Variants in ARHGAP10 observed in about 807,000 individuals in gnomAD.
The protein encoded by ARHGAP10 is Rho GTPase activating protein 10.
In ARHGAP10, 87 loss-of-function variants were observed where a neutral mutation model predicts 108.6. The observed-to-expected ratio is 0.80, with a 90% CI of 0.67 to 0.96. The LOEUF (loss-of-function observed/expected upper bound fraction) is 0.96. Ranked by LOEUF, ARHGAP10 falls within the 40% of genes least tolerant of loss-of-function variation. The probability of loss-of-function intolerance (pLI) is 0.00; values close to 1 mark genes in which losing one functional copy is unlikely to be tolerated. For missense variants in ARHGAP10, 939 were observed against 954.5 expected (o/e 0.98, Z 0.21); for synonymous variants, 347 against 341.1 (o/e 1.02, Z -0.19).
At chr4:147,906,150 A>ATAT (rs368540376) in intron 10 of ARHGAP10, among the ~76,000 whole-genome samples, 272 of 152,312 alleles carry the variant, frequency 1.8e-3, no homozygotes, top group African/African-American at 6.2e-3. Context: ...ATTCATATGT[A>ATAT]TATTCCATAT....
intron 10 of ARHGAP10, among the ~76,000 whole-genome samples, chr4:147,900,473 C>T (rs950233669): frequency 6.6e-6 from 1 of 151,948 alleles, no homozygotes; most frequent in Non-Finnish European, 1.5e-5. Context: ...TTTTTTCGTT[C>T]ATGAAATTTA....
chr4:147,878,964 G>T (rs1735206979), intron 8 of ARHGAP10, among the ~76,000 whole-genome samples: 1 of 151,912 alleles, frequency 6.6e-6, no homozygotes, highest in African/African-American at 2.4e-5. Flanking sequence ...TAGAGATGGA[G>T]TTTCACCGTG....
At chr4:147,749,330 T>C (rs937082817) in intron 1 of ARHGAP10, among the ~76,000 whole-genome samples, 2 of 152,182 alleles carry the variant, frequency 1.3e-5, no homozygotes, top group Non-Finnish European at 2.9e-5. Flanking sequence ...CACCTTAGCT[T>C]GTTGTAGGCC....
chr4:148,046,892 G>A lies in ARHGAP10; in HGVS notation c.1868G>A (p.Gly623Asp), dbSNP rs1332949433. 4 of 1,606,348 alleles carry A rather than the reference G, an allele frequency of 2.5e-6. No individual in the cohort carries two copies. The African/African-American group carries it at 4.0e-5, about 16-fold the overall frequency. The stretch of plus-strand genomic sequence containing the variant: ...TATTCAATGCTTTTTTTCCTCCTAG[G>A]TGACAATCCTTACCCTTCCAAGGAG... ...VYNLCLELED[G>D]DNPYPSKEDT... is the part of the protein sequence containing the mutation. Residue 623 changes from glycine to aspartate, a missense_variant and splice_region_variant, in exon 20 of 23, where the codon GGT becomes GAT. Coordinates refer to ENST00000336498, the MANE Select transcript of ARHGAP10 (RefSeq NM_024605.4).
chr4:148,059,740 A>G (rs1729519709), intron 20 of ARHGAP10, among the ~76,000 whole-genome samples: 2 of 152,102 alleles, frequency 1.3e-5, no homozygotes, highest in African/African-American at 4.8e-5. Context: ...GAGCTACCAA[A>G]TTAGCCTACC....
At chr4:148,009,856 C>A (rs1741102278) in intron 18 of ARHGAP10, among the ~76,000 whole-genome samples, 1 of 152,078 alleles carries the variant, frequency 6.6e-6, no homozygotes, top group Admixed American at 6.5e-5. Context: ...CCTTTTGGGA[C>A]CTCAAGTGTT....
At chr4:147,979,693 A>C (rs908737754) in intron 18 of ARHGAP10, among the ~76,000 whole-genome samples, 4 of 151,868 alleles carry the variant, frequency 2.6e-5, no homozygotes, top group Non-Finnish European at 5.9e-5. Flanking sequence ...ATTTATTTGT[A>C]TTGTCTGTGA....
intron 3 of ARHGAP10, among the ~76,000 whole-genome samples, chr4:147,843,931 T>A (rs1429920298): frequency 6.6e-6 from 1 of 152,234 alleles, no homozygotes; most frequent in Non-Finnish European, 1.5e-5. Flanking sequence ...ATTTCCATTT[T>A]TCTACCGTCC....
chr4:147,780,194 G>A (rs1730473111), intron 1 of ARHGAP10, among the ~76,000 whole-genome samples: 1 of 152,146 alleles, frequency 6.6e-6, no homozygotes, highest in African/African-American at 2.4e-5. Context: ...TTTGATGGCT[G>A]CACTCGTTTC....
At chr4:147,733,269 C>A (rs940619771) in intron 1 of ARHGAP10, among the ~76,000 whole-genome samples, 2 of 152,100 alleles carry the variant, frequency 1.3e-5, no homozygotes, top group Non-Finnish European at 2.9e-5. Flanking sequence ...GAGAGTCTTT[C>A]TAGGAGAGAA....
chr4:147,906,788 A>G, intron 11 of ARHGAP10, 69 bp downstream of exon 11: 1 of 1,571,644 alleles, frequency 6.4e-7, no homozygotes, highest in Non-Finnish European at 8.7e-7. Flanking sequence ...TTTTTATGTT[A>G]TTTTTGTGTA....
chr4:147,952,819 C>G (rs927895345), intron 15 of ARHGAP10, among the ~76,000 whole-genome samples: 1 of 151,844 alleles, frequency 6.6e-6, no homozygotes, highest in South Asian at 2.1e-4. Context: ...ATTAAGAAAC[C>G]TTTGCACTTA....
intron 5 of ARHGAP10, chr4:147,862,951 GTGTT>G (rs1297919494): frequency 6.6e-6 from 1 of 152,172 alleles, no homozygotes; most frequent in African/African-American, 2.4e-5. Flanking sequence ...ATTCAGATGA[GTGTT>G]AGGTAGAAAT....
chr4:147,968,702 C>T (rs1045418505), intron 18 of ARHGAP10, among the ~76,000 whole-genome samples: 8 of 152,176 alleles, frequency 5.3e-5, no homozygotes, highest in African/African-American at 1.9e-4. Context: ...TGTAGATGAG[C>T]ACTTTGCTAA....
intron 19 of ARHGAP10, among the ~76,000 whole-genome samples, chr4:148,043,772 A>G (rs974152518): frequency 1.4e-5 from 2 of 145,976 alleles, no homozygotes; most frequent in African/African-American, 5.0e-5. Context: ...ATGTGTATAT[A>G]TATGTATATA....
At position 147,931,003 on chromosome 4, in the gene ARHGAP10, G is replaced by A. The variant is rs111627385; in HGVS notation, c.1229-8822G>A. Among the ~76,000 whole-genome samples, 867 of 152,276 alleles carry A rather than the reference G, an allele frequency of 5.7e-3. 7 individuals carry two copies. The highest frequency in any genetic ancestry group is 0.017 in the Middle Eastern group (5 of 294). On this transcript the variant is annotated intron_variant, in intron 13 of 22. Coordinates refer to ENST00000336498, the MANE Select transcript of ARHGAP10 (RefSeq NM_024605.4). ...ATGCAGGTGTTTTCTGGAGCTGTGTGGTCTCTGGCTCTGGTAACACCATTT... is the reference window on the plus strand; with the variant it reads ...ATGCAGGTGTTTTCTGGAGCTGTGTAGTCTCTGGCTCTGGTAACACCATTT...
At chr4:147,894,021 G>A (rs1241940289) in intron 10 of ARHGAP10, among the ~76,000 whole-genome samples, 1 of 152,162 alleles carries the variant, frequency 6.6e-6, no homozygotes, top group African/African-American at 2.4e-5. Flanking sequence ...TATGCTGAAG[G>A]ATACTGGAGC....
intron 19 of ARHGAP10, among the ~76,000 whole-genome samples, chr4:148,046,096 G>T (rs993620356): frequency 2.6e-5 from 4 of 152,232 alleles, no homozygotes; most frequent in African/African-American, 9.6e-5. Flanking sequence ...GCATTTTATG[G>T]TAGCTGGGAG....
chr4:147,826,168 G>A (rs1201859036), intron 3 of ARHGAP10, among the ~76,000 whole-genome samples: 1 of 152,188 alleles, frequency 6.6e-6, no homozygotes, highest in Non-Finnish European at 1.5e-5. Flanking sequence ...CAGAAATAGC[G>A]TGTGACCATT....
Sources: allele counts gnomAD v4.1 joint callset (sites outside exome capture counted in the v4.1 genomes callset), GRCh38; gene constraint gnomAD v4.1.1; transcripts MANE v1.5; gene names NCBI Gene and HGNC (gene_info 2026-07-23, HGNC 2026-07-21).